The following KCNIP4 variants were observed in gnomAD, a reference collection of about 807,000 sequenced individuals.
The protein encoded by KCNIP4 is Kv channel-interacting protein 4.
KCNIP4 carries 12 observed loss-of-function variants against 34.0 expected under a neutral mutation model. That is an observed-to-expected ratio of 0.35 (90% CI 0.23 to 0.57). The LOEUF is 0.57. KCNIP4 is among the 20% of genes least tolerant of loss of function. The pLI is 0.83. For synonymous variants in KCNIP4, 124 were observed against 102.2 expected, an observed-to-expected ratio of 1.21 and a Z score of -1.29; for missense variants, 238 against 311.7, an observed-to-expected ratio of 0.76 and a Z score of 1.78.
intron 1 of KCNIP4, among the ~76,000 whole-genome samples, chr4:20,991,213 T>C (rs568042779): frequency 6.6e-6 from 1 of 152,306 alleles, no homozygotes; most frequent in South Asian, 2.1e-4. Context: ...TTTTTTACTG[T>C]GGCCCCATTA....
intron 1 of KCNIP4, among the ~76,000 whole-genome samples, chr4:20,979,410 T>TTC (rs1735827582): frequency 6.6e-6 from 1 of 150,534 alleles, no homozygotes; most frequent in African/African-American, 2.4e-5. Context: ...TTTTTTTTTT[T>TTC]TTTTTTGAGA....
At chr4:21,196,917 T>A (rs536475531) in intron 1 of KCNIP4, among the ~76,000 whole-genome samples, 1 of 152,300 alleles carries the variant, frequency 6.6e-6, no homozygotes, top group African/African-American at 2.4e-5. Context: ...CATTATCAGC[T>A]GATCATCTGT....
chr4:21,906,845 G>T (rs1728029315), intron 1 of KCNIP4, among the ~76,000 whole-genome samples: 1 of 151,950 alleles, frequency 6.6e-6, no homozygotes, highest in Non-Finnish European at 1.5e-5. Context: ...TGCATCCAAA[G>T]CAAAACAGTA....
intron 1 of KCNIP4, among the ~76,000 whole-genome samples, chr4:21,727,509 G>C (rs887820308): frequency 6.6e-6 from 1 of 152,050 alleles, no homozygotes; most frequent in African/African-American, 2.4e-5. Flanking sequence ...AGCACAAACA[G>C]ACCAAGACAA....
chr4:21,060,064 A>G lies in KCNIP4; in HGVS notation c.62-177355T>C, dbSNP rs75701575. Among the ~76,000 whole-genome samples the G allele has an allele frequency of 3.0e-3, 455 of 152,286 alleles. 19 individuals are homozygous for G. The East Asian group carries it at 0.069, about 23-fold the overall frequency. ...AGATTGGAGATTTGTATCACATAAA[A>G]TGATAAAAATTTTGTTTCATTATTT... is the stretch of plus-strand genomic sequence containing the variant. On this transcript the variant is annotated intron_variant, in intron 1 of 8. Coordinates refer to ENST00000382152, the MANE Select transcript of KCNIP4 (RefSeq NM_025221.6).
chr4:20,798,946 A>G (rs1229627747), intron 3 of KCNIP4, among the ~76,000 whole-genome samples: 2 of 152,030 alleles, frequency 1.3e-5, no homozygotes, highest in Non-Finnish European at 2.9e-5. Context: ...CCTGTCCCCT[A>G]TCCTATTGCC....
intron 1 of KCNIP4, among the ~76,000 whole-genome samples, chr4:21,003,176 G>A (rs1738283831): frequency 6.6e-6 from 1 of 152,138 alleles, no homozygotes; most frequent in Admixed American, 6.6e-5. Context: ...GTCACTTCCT[G>A]AAGGTCACAA....
rs542746035 is a variant in KCNIP4, at chr4:21,820,394, G to A, written c.61+128177C>T. Reference sequence around the variant, plus strand: ...ATAAACTTGATTTCCTATATATGTCGACCCACATGCAGAGCTGGTTTATCC... The same window carrying A: ...ATAAACTTGATTTCCTATATATGTCAACCCACATGCAGAGCTGGTTTATCC... On this transcript the variant is annotated intron_variant, in intron 1 of 8. Coordinates refer to ENST00000382152, the MANE Select transcript of KCNIP4 (RefSeq NM_025221.6). 4.1e-5 allele frequency among the ~76,000 whole-genome samples: 6 copies of A among 147,444 alleles called. No individual in the cohort carries two copies. In the South Asian group the frequency reaches 6.4e-4, roughly 16 times the overall value.
intron 2 of KCNIP4, among the ~76,000 whole-genome samples, chr4:20,874,684 T>TC (rs1366862827): frequency 5.7e-5 from 6 of 105,184 alleles, no homozygotes; most frequent in Non-Finnish European, 1.3e-4. Flanking sequence ...ACTTCATCTC[T>TC]TTTTTTTTTT....
At chr4:21,627,659 C>A (rs1745435033) in intron 1 of KCNIP4, among the ~76,000 whole-genome samples, 1 of 152,052 alleles carries the variant, frequency 6.6e-6, no homozygotes, top group Non-Finnish European at 1.5e-5. Context: ...CCATGAAGAA[C>A]TTGCCAAAAC....
intron 1 of KCNIP4, among the ~76,000 whole-genome samples, chr4:21,314,396 T>C (rs1416640563): frequency 3.3e-5 from 5 of 152,186 alleles, no homozygotes; most frequent in Non-Finnish European, 5.9e-5. Flanking sequence ...ACAAATCCAA[T>C]TCACACTTGA....
intron 1 of KCNIP4, among the ~76,000 whole-genome samples, chr4:21,228,497 G>T (rs1325545615): frequency 1.3e-5 from 2 of 152,090 alleles, no homozygotes; most frequent in Non-Finnish European, 2.9e-5. Context: ...CTAATACACA[G>T]CCCCATCCTG....
chr4:21,135,388 A>G (rs995246382), intron 1 of KCNIP4, among the ~76,000 whole-genome samples: 2 of 152,186 alleles, frequency 1.3e-5, no homozygotes, highest in African/African-American at 2.4e-5. Context: ...CCCTAAAGTA[A>G]AGATGTGCAA....
At chr4:21,583,989 C>T (rs1741427850) in intron 1 of KCNIP4, among the ~76,000 whole-genome samples, 1 of 151,928 alleles carries the variant, frequency 6.6e-6, no homozygotes. Context: ...TCCACAATGC[C>T]TGGCAGATAG....
At chr4:21,549,841 T>G (rs912663934) in intron 1 of KCNIP4, among the ~76,000 whole-genome samples, 4 of 152,074 alleles carry the variant, frequency 2.6e-5, no homozygotes, top group Non-Finnish European at 5.9e-5. Flanking sequence ...ACTGGATACA[T>G]GGGTAGTATA....
chr4:20,975,602 T>G (rs1282822841), intron 1 of KCNIP4, among the ~76,000 whole-genome samples: 1 of 152,144 alleles, frequency 6.6e-6, no homozygotes, highest in East Asian at 1.9e-4. Flanking sequence ...GGCAGACAAT[T>G]CCACCAACCG....
intron 1 of KCNIP4, among the ~76,000 whole-genome samples, chr4:21,026,918 C>G (rs948620411): frequency 6.6e-6 from 1 of 152,052 alleles, no homozygotes; most frequent in Non-Finnish European, 1.5e-5. Context: ...GAGACCTAGG[C>G]AAGAGTTGGA....
At chr4:20,987,727 C>T (rs1203417938) in intron 1 of KCNIP4, among the ~76,000 whole-genome samples, 1 of 151,742 alleles carries the variant, frequency 6.6e-6, no homozygotes, top group East Asian at 1.9e-4. Context: ...TGGCCGGGCG[C>T]GGTGGCTCAT....
intron 1 of KCNIP4, among the ~76,000 whole-genome samples, chr4:21,329,287 C>T (rs987096128): frequency 4.6e-5 from 7 of 152,018 alleles, no homozygotes; most frequent in Admixed American, 1.3e-4. Flanking sequence ...CAAGAGGATA[C>T]GGAAAAACAT....
Sources: allele counts gnomAD v4.1 joint callset (sites outside exome capture counted in the v4.1 genomes callset), GRCh38; gene constraint gnomAD v4.1.1; transcripts MANE v1.5; gene names NCBI Gene and HGNC (gene_info 2026-07-23, HGNC 2026-07-21).